ISM1: variants seen among roughly 807,000 people sequenced by gnomAD.
The protein encoded by ISM1 is isthmin 1.
Under a neutral mutation model 46.3 loss-of-function variants are expected in ISM1, and 25 were observed. The observed-to-expected ratio is 0.54, with a 90% confidence interval of 0.39 to 0.75. The LOEUF is 0.75. Among genes scored for constraint, ISM1 ranks in the 30% least tolerant of loss-of-function variants. The pLI is 0.00. For synonymous variants in ISM1, 255 were observed against 256.7 expected (o/e 0.99, Z 0.06); for missense variants, 536 against 625.4 (o/e 0.86, Z 1.52).
chr20:13,237,249 A>G (rs190859738), intron 1 of ISM1, among the ~76,000 whole-genome samples: 113 of 152,348 alleles, frequency 7.4e-4, no homozygotes, highest in African/African-American at 2.6e-3. Context: ...GTATGTGCCC[A>G]ACAGAAATCT....
chr20:13,306,564 C>CAAAAAAAAAAAAAAAAAAAGAAA, the ISM1 span, among the ~76,000 whole-genome samples: 1 of 63,914 alleles, frequency 1.6e-5, no homozygotes, highest in Non-Finnish European at 2.6e-5. Context: ...GGAGAAAGGA[C>CAAAAAAAAAAAAAAAAAAAGAAA]AAAAAAAAAA....
chr20:13,287,907 G>T (rs1452188063), intron 3 of ISM1, among the ~76,000 whole-genome samples: 3 of 152,146 alleles, frequency 2.0e-5, no homozygotes, highest in East Asian at 3.9e-4. Context: ...AGGGCCACTG[G>T]GTAGGTACTC....
chr20:13,315,118 G>A, the ISM1 span, among the ~76,000 whole-genome samples: 4,524 of 149,006 alleles, frequency 0.03, 100 homozygotes, highest in Non-Finnish European at 0.048. Context: ...AAAAAGAATG[G>A]AAGACAAAAA....
Position 13,274,672 on chromosome 20 carries a change from C to T in ISM1, c.378+3929C>T, listed in dbSNP as rs7262568. On this transcript the variant is annotated intron_variant, in intron 2 of 5. Transcript: ENST00000262487. ...GTCCCGCCCCCTCTCCACTCCCCGC[C>T]CCCCCCGCGCCCGGCCCCCGGGCCT... Among the ~76,000 whole-genome samples, 9 of 146,250 alleles carry T rather than the reference C, an allele frequency of 6.2e-5. No individual in the cohort carries two copies. The South Asian group carries it at 1.3e-3, about 21-fold the overall frequency.
chr20:13,299,688 C>A lies in ISM1; in HGVS notation c.*229C>A. ...GCTCCTTGAAAGTGCCCCTGGGGAG[C>A]GATGTGGGCAGAAGGATGGGGACAA... is the stretch of plus-strand genomic sequence containing the variant. On this transcript the variant is annotated 3_prime_UTR_variant, in exon 6 of 6. Coordinates refer to ENST00000262487, the MANE Select transcript of ISM1 (RefSeq NM_080826.2). The surrounding 1 kb of genome is among the most constrained non-coding windows in gnomAD (Gnocchi z 5.8). 2.2e-6 allele frequency: 1 copy of A among 458,912 alleles called. No individual in the cohort carries two copies. Among genetic ancestry groups the A allele is most frequent in the Non-Finnish European group, 3.9e-6 (1 of 259,184 alleles). 28.4% of individuals were successfully genotyped at this position (458,912 alleles called of 1,614,324 possible).
intron 1 of ISM1, among the ~76,000 whole-genome samples, 175 bp downstream of exon 1, chr20:13,222,089 G>C (rs1465000934): frequency 6.6e-6 from 1 of 152,196 alleles, no homozygotes; most frequent in African/African-American, 2.4e-5. Context: ...CGGAGCGGGG[G>C]CACGTGCCTG....
intron 1 of ISM1, among the ~76,000 whole-genome samples, chr20:13,255,941 T>C (rs1488132205): frequency 2.0e-5 from 3 of 151,610 alleles, no homozygotes; most frequent in Non-Finnish European, 4.4e-5. Context: ...TTTTTTGGTG[T>C]GACTGCAGTT....
At chr20:13,278,156 G>T (rs1290542047) in intron 2 of ISM1, among the ~76,000 whole-genome samples, 1 of 152,192 alleles carries the variant, frequency 6.6e-6, no homozygotes, top group Non-Finnish European at 1.5e-5. Flanking sequence ...GATGGCCAAA[G>T]GAACCCAATG....
intron 1 of ISM1, among the ~76,000 whole-genome samples, chr20:13,251,702 C>T (rs975930754): frequency 6.6e-6 from 1 of 152,176 alleles, no homozygotes; most frequent in African/African-American, 2.4e-5. Flanking sequence ...ATCTTCTGAC[C>T]TTCTCAAGCC....
At chr20:13,284,274 C>T (rs972459749) in intron 3 of ISM1, among the ~76,000 whole-genome samples, 3 of 152,198 alleles carry the variant, frequency 2.0e-5, no homozygotes, top group Admixed American at 6.5e-5. Flanking sequence ...GACTGGCCCA[C>T]AGGACGCTAG....
intron 1 of ISM1, among the ~76,000 whole-genome samples, chr20:13,225,004 C>G (rs1240055098): frequency 1.4e-5 from 2 of 145,764 alleles, no homozygotes. Flanking sequence ...TGCCACCACG[C>G]CCGGCTAATT....
At chr20:13,250,531 T>C (rs985637579) in intron 1 of ISM1, among the ~76,000 whole-genome samples, 10 of 152,160 alleles carry the variant, frequency 6.6e-5, no homozygotes, top group African/African-American at 2.4e-4. Context: ...CTTCCAAAAC[T>C]TGCTGCACAT....
At chr20:13,285,871 G>A (rs1238242077) in intron 3 of ISM1, among the ~76,000 whole-genome samples, 1 of 152,190 alleles carries the variant, frequency 6.6e-6, no homozygotes, top group African/African-American at 2.4e-5. Context: ...AAAGTTCAGG[G>A]GTGATGTCTC....
chr20:13,232,990 G>A (rs529646518), intron 1 of ISM1, among the ~76,000 whole-genome samples: 1 of 151,784 alleles, frequency 6.6e-6, no homozygotes, highest in South Asian at 2.1e-4. Context: ...GACCATCATG[G>A]TGGGGGTTGT....
chr20:13,228,596 G>A (rs1439473656), intron 1 of ISM1, among the ~76,000 whole-genome samples: 12 of 151,168 alleles, frequency 7.9e-5, no homozygotes, highest in East Asian at 3.9e-4. Context: ...TTTAATGTTC[G>A]GAAATTTTAC....
chr20:13,232,549 G>A (rs1405350799), intron 1 of ISM1, among the ~76,000 whole-genome samples: 1 of 152,146 alleles, frequency 6.6e-6, no homozygotes, highest in Non-Finnish European at 1.5e-5. Context: ...ACCCATTTAG[G>A]TTATTTCCTA....
At chr20:13,262,124 C>T (rs528630280) in intron 1 of ISM1, among the ~76,000 whole-genome samples, 15 of 152,268 alleles carry the variant, frequency 9.9e-5, no homozygotes, top group African/African-American at 3.4e-4. Flanking sequence ...TTTTCTTTGC[C>T]GGTAATGGAG....
the ISM1 span, among the ~76,000 whole-genome samples, chr20:13,307,982 T>C: frequency 6.6e-6 from 1 of 152,214 alleles, no homozygotes; most frequent in African/African-American, 2.4e-5. Flanking sequence ...CTTTAGTTGA[T>C]ACTGCCCAGT....
At chr20:13,257,867 G>A (rs1324079194) in intron 1 of ISM1, among the ~76,000 whole-genome samples, 1 of 152,044 alleles carries the variant, frequency 6.6e-6, no homozygotes, top group Non-Finnish European at 1.5e-5. Flanking sequence ...GGGAGGCCAG[G>A]GAATTCAAAG....
Sources: allele counts gnomAD v4.1 joint callset (sites outside exome capture counted in the v4.1 genomes callset), GRCh38; gene constraint gnomAD v4.1.1; non-coding constraint Gnocchi (gnomAD v3.1); transcripts MANE v1.5; gene names NCBI Gene and HGNC (gene_info 2026-07-23, HGNC 2026-07-21).